The following PDE1A variants were observed in gnomAD, a reference collection of about 807,000 sequenced individuals.
PDE1A encodes the protein dual specificity calcium/calmodulin-dependent 3',5'-cyclic nucleotide phosphodiesterase 1A.
Under a neutral mutation model 61.7 loss-of-function variants are expected in PDE1A, and 35 were observed. The ratio of observed to expected loss-of-function variants is 0.57; its 90% CI spans 0.43 to 0.75. The LOEUF (loss-of-function observed/expected upper bound fraction) is 0.75. Ranked by LOEUF, PDE1A falls within the 30% of genes least tolerant of loss-of-function variation. The pLI is 0.00. For synonymous variants in PDE1A, 232 were observed against 213.2 expected (o/e 1.09, Z -0.77); for missense variants, 597 against 630.6 (o/e 0.95, Z 0.57).
At chr2:182,650,710 TCTAA>T in the PDE1A span, among the ~76,000 whole-genome samples, 3 of 152,196 alleles carry the variant, frequency 2.0e-5, no homozygotes, top group Non-Finnish European at 4.4e-5. Flanking sequence ...ATATTGTAAC[TCTAA>T]CTTTTTTAAC....
At chr2:182,451,095 AGGGCCGGGCGCGG>A (rs1685483673) in intron 2 of PDE1A, among the ~76,000 whole-genome samples, 3 of 89,502 alleles carry the variant, frequency 3.4e-5, no homozygotes, top group Admixed American at 1.1e-4. Context: ...TATTTTAACT[AGGGCCGGGCGCGG>A]TGGCTCACGC....
chr2:182,690,649 T>C, the PDE1A span, among the ~76,000 whole-genome samples: 1 of 152,280 alleles, frequency 6.6e-6, no homozygotes, highest in Middle Eastern at 3.4e-3. Context: ...TCACCACTCC[T>C]ATTCAACATA....
chr2:182,549,772 T>A, the PDE1A span, among the ~76,000 whole-genome samples: 1 of 152,166 alleles, frequency 6.6e-6, no homozygotes, highest in Non-Finnish European at 1.5e-5. Flanking sequence ...TTTTTTGACA[T>A]ATTTGTGTGT....
chr2:182,663,837 A>AG, the PDE1A span, among the ~76,000 whole-genome samples: 33 of 151,890 alleles, frequency 2.2e-4, no homozygotes, highest in Non-Finnish European at 2.8e-4. Flanking sequence ...TAAAAAAAAA[A>AG]AGAAAAACGG....
At chr2:182,679,350 A>ATTTTTTTTTTT in the PDE1A span, among the ~76,000 whole-genome samples, 132 of 119,430 alleles carry the variant, frequency 1.1e-3, no homozygotes, top group Non-Finnish European at 1.5e-3. Context: ...TGCTCAGCTA[A>ATTTTTTTTTTT]TTTTTTTTTT....
At chr2:182,687,831 T>G in the PDE1A span, among the ~76,000 whole-genome samples, 1 of 152,116 alleles carries the variant, frequency 6.6e-6, no homozygotes, top group African/African-American at 2.4e-5. Context: ...GAGAAGTCCT[T>G]AAAGGACCTG....
chr2:182,561,736 C>A, the PDE1A span, among the ~76,000 whole-genome samples: 3 of 152,002 alleles, frequency 2.0e-5, no homozygotes, highest in African/African-American at 7.2e-5. Flanking sequence ...TTTCCTTGAG[C>A]AGTGGTTTGT....
intron 1 of PDE1A, among the ~76,000 whole-genome samples, chr2:182,384,478 AT>A (rs1700914363): frequency 6.7e-6 from 1 of 149,184 alleles, no homozygotes; most frequent in Non-Finnish European, 1.5e-5. Context: ...AATAATAATA[AT>A]AATAATAATA....
chr2:182,281,678 G>C (rs1481188208), intron 1 of PDE1A, among the ~76,000 whole-genome samples: 2 of 151,916 alleles, frequency 1.3e-5, no homozygotes, highest in African/African-American at 4.8e-5. Flanking sequence ...ATAAATATCA[G>C]TGTGTCCAAA....
At chr2:182,508,953 C>CT (rs1449754146) in intron 2 of PDE1A, among the ~76,000 whole-genome samples, 1 of 142,716 alleles carries the variant, frequency 7.0e-6, no homozygotes, top group African/African-American at 2.5e-5. Flanking sequence ...GATGCTATCC[C>CT]TCCCCCCTAC....
At chr2:182,329,635 C>T (rs1256637241) in intron 1 of PDE1A, among the ~76,000 whole-genome samples, 1 of 152,194 alleles carries the variant, frequency 6.6e-6, no homozygotes, top group Non-Finnish European at 1.5e-5. Context: ...AGGTGATCCA[C>T]TGGCCTCAGC....
At chr2:182,470,667 T>C (rs748068137) in intron 2 of PDE1A, among the ~76,000 whole-genome samples, 30 of 151,954 alleles carry the variant, frequency 2.0e-4, no homozygotes, top group Non-Finnish European at 3.5e-4. Context: ...TTTCTGTACA[T>C]TGAGATCTTA....
chr2:182,622,562 T>A, the PDE1A span, among the ~76,000 whole-genome samples: 3 of 152,192 alleles, frequency 2.0e-5, no homozygotes, highest in East Asian at 1.9e-4. Context: ...TAAAGAAAAA[T>A]AAATGCCCTT....
intron 1 of PDE1A, among the ~76,000 whole-genome samples, chr2:182,377,028 T>G (rs1700450023): frequency 6.6e-6 from 1 of 152,170 alleles, no homozygotes; most frequent in Admixed American, 6.5e-5. Context: ...GGGAGTACAA[T>G]TCAAGATGAG....
Position 182,216,019 on chromosome 2 carries a change from A to G in PDE1A, c.776+7845T>C, listed in dbSNP as rs1449694822. 4.8e-3 allele frequency among the ~76,000 whole-genome samples: 392 copies of G among 81,732 alleles called. 1 individual carries two copies. The highest frequency in any genetic ancestry group is 0.012 in the African/African-American group (248 of 20,568). The allele number at this position is 81,732 out of a possible 152,430, so 53.6% of individuals were successfully genotyped here. On this transcript the variant is annotated intron_variant, in intron 7 of 13. Transcript: ENST00000351439. ...GAACATTGATGCAAAAATCCTCAAT[A>G]AAATACTGGCAAACCGAATCCAGCA...
intron 1 of PDE1A, among the ~76,000 whole-genome samples, chr2:182,333,502 G>T (rs1056590995): frequency 6.6e-6 from 1 of 152,214 alleles, no homozygotes; most frequent in Admixed American, 6.5e-5. Context: ...ACGAAATTAA[G>T]GCAGAAATAA....
chr2:182,182,067 T>C lies in PDE1A; in HGVS notation c.1516+3825A>G, dbSNP rs1287882240. Among the ~76,000 whole-genome samples, 5 of 152,218 alleles carry C rather than the reference T, an allele frequency of 3.3e-5. No homozygotes were observed. In the South Asian group the frequency reaches 1.0e-3, roughly 31 times the overall value. The stretch of plus-strand genomic sequence containing the variant: ...ATGAACAATGCTGCTGTGAATATTT[T>C]AGACATGTCTTTGATGCATATGCAC... On this transcript the variant is annotated intron_variant, in intron 13 of 13. Coordinates refer to ENST00000351439, the Ensembl canonical transcript of PDE1A.
intron 1 of PDE1A, among the ~76,000 whole-genome samples, chr2:182,389,995 T>C (rs1701331125): frequency 6.6e-6 from 1 of 152,188 alleles, no homozygotes; most frequent in South Asian, 2.1e-4. Context: ...GACTGAAGGC[T>C]GATCTGTCAG....
intron 10 of PDE1A, 76 bp from the exon 11 acceptor site, chr2:182,189,136 C>A: frequency 1.2e-6 from 1 of 802,880 alleles, no homozygotes; most frequent in Non-Finnish European, 2.0e-6. Context: ...GATATAAAGC[C>A]TAGAAAAGCC....
Sources: allele counts gnomAD v4.1 joint callset (sites outside exome capture counted in the v4.1 genomes callset), GRCh38; gene constraint gnomAD v4.1.1; transcripts MANE v1.5; gene names NCBI Gene and HGNC (gene_info 2026-07-23, HGNC 2026-07-21).